The following CPNE4 variants were observed in gnomAD, a reference collection of about 807,000 sequenced individuals.
CPNE4 encodes copine-4.
A neutral mutation model predicts 67.9 loss-of-function variants in CPNE4; 25 were observed. That is an observed-to-expected ratio of 0.37 (90% CI 0.27 to 0.51). The LOEUF is 0.51. CPNE4 is among the 20% of genes least tolerant of loss of function. CPNE4 has a pLI of 0.93. For synonymous variants in CPNE4, 242 were observed against 244.9 expected (o/e 0.99, Z 0.11); for missense variants, 464 against 690.8 (o/e 0.67, Z 3.68).
intron 2 of CPNE4, among the ~76,000 whole-genome samples, chr3:131,882,746 G>T (rs2087727802): frequency 8.0e-6 from 1 of 125,554 alleles, no homozygotes; most frequent in Non-Finnish European, 1.8e-5. Context: ...TTTTGAGACG[G>T]AGTCTCGCTC....
intron 2 of CPNE4, among the ~76,000 whole-genome samples, chr3:131,801,919 G>C (rs1302910196): frequency 7.4e-6 from 1 of 134,560 alleles, no homozygotes; most frequent in African/African-American, 2.7e-5. Context: ...CAGGGACACT[G>C]CTAGGGTAAT....
chr3:131,781,261 A>G (rs2083427034), intron 2 of CPNE4, among the ~76,000 whole-genome samples: 1 of 152,124 alleles, frequency 6.6e-6, no homozygotes, highest in African/African-American at 2.4e-5. Context: ...CGGTCTAGCT[A>G]TGGCTGGAAC....
At chr3:131,655,647 C>T (rs73871341) in intron 7 of CPNE4, among the ~76,000 whole-genome samples, 48 of 152,008 alleles carry the variant, frequency 3.2e-4, no homozygotes, top group African/African-American at 1.0e-3. Flanking sequence ...ATGAAACCGA[C>T]GTCGGGGGGC....
At chr3:131,719,034 A>G (rs2081813951) in intron 3 of CPNE4, among the ~76,000 whole-genome samples, 2 of 152,228 alleles carry the variant, frequency 1.3e-5, no homozygotes. Flanking sequence ...CTGGCTGACA[A>G]TATGAGAGGG....
chr3:131,935,771 A>G (rs148240687), intron 1 of CPNE4, among the ~76,000 whole-genome samples: 22 of 152,152 alleles, frequency 1.4e-4, no homozygotes, highest in African/African-American at 5.3e-4. Flanking sequence ...CCAAACGTCA[A>G]TCTAGCAAGC....
At chr3:131,765,492 C>T (rs2082989469) in intron 2 of CPNE4, among the ~76,000 whole-genome samples, 1 of 152,084 alleles carries the variant, frequency 6.6e-6, no homozygotes, top group South Asian at 2.1e-4. Context: ...TTCCCAGTCC[C>T]AACCAGTTCT....
intron 1 of CPNE4, among the ~76,000 whole-genome samples, chr3:131,945,279 T>C (rs996853704): frequency 2.0e-5 from 3 of 152,186 alleles, no homozygotes; most frequent in African/African-American, 7.2e-5. Flanking sequence ...AGAGAGATGA[T>C]AAAACTTCTC....
At chr3:131,908,683 C>T (rs942895689) in intron 1 of CPNE4, among the ~76,000 whole-genome samples, 4 of 152,094 alleles carry the variant, frequency 2.6e-5, no homozygotes, top group African/African-American at 7.2e-5. Context: ...ACATATTGTA[C>T]ATAAAATACT....
chr3:131,828,017 A>G (rs1393736979), intron 2 of CPNE4, among the ~76,000 whole-genome samples: 1 of 152,014 alleles, frequency 6.6e-6, no homozygotes, highest in Non-Finnish European at 1.5e-5. Context: ...AAGAAACAGA[A>G]GAAACAATTT....
At chr3:132,037,824 G>T, upstream of CPNE4, 1 of 534,970 alleles carries the variant, frequency 1.9e-6, no homozygotes, top group Non-Finnish European at 3.4e-6. Context: ...GAACAAAAGG[G>T]AAGAAATGTG....
intron 2 of CPNE4, among the ~76,000 whole-genome samples, chr3:131,881,671 G>T (rs1167700014): frequency 6.6e-6 from 1 of 151,604 alleles, no homozygotes; most frequent in Non-Finnish European, 1.5e-5. Flanking sequence ...ATATTTTGTT[G>T]TTATTCTATA....
intron 2 of CPNE4, among the ~76,000 whole-genome samples, chr3:131,759,089 A>G (rs1156713286): frequency 6.6e-6 from 1 of 152,154 alleles, no homozygotes; most frequent in Non-Finnish European, 1.5e-5. Context: ...CCCTAGTAGG[A>G]TGATGGGGAT....
chr3:131,644,370 A>G (rs1164003231), intron 7 of CPNE4, among the ~76,000 whole-genome samples: 1 of 152,062 alleles, frequency 6.6e-6, no homozygotes, highest in African/African-American at 2.4e-5. Context: ...GATGGTCTTG[A>G]TCACCTGACC....
At chr3:131,587,208 T>C (rs889371321) in intron 8 of CPNE4, among the ~76,000 whole-genome samples, 3 of 152,210 alleles carry the variant, frequency 2.0e-5, no homozygotes, top group African/African-American at 7.2e-5. Context: ...TTTTCAGGGC[T>C]ACACAGGTAA....
chr3:131,955,410 GTTTTTTTTT>G (rs766033406), intron 1 of CPNE4, among the ~76,000 whole-genome samples: 50 of 42,268 alleles, frequency 1.2e-3, no homozygotes, highest in African/African-American at 4.3e-3. Context: ...TGTATGTAAG[GTTTTTTTTT>G]TTTTTTTTTT....
upstream of CPNE4, among the ~76,000 whole-genome samples, chr3:132,036,064 T>C (rs560718541): frequency 1.3e-5 from 2 of 152,334 alleles, no homozygotes; most frequent in Middle Eastern, 3.4e-3. Context: ...AATTGTTCTA[T>C]AGAAGTAGAC....
At chr3:131,689,094 C>T (rs1455140826) in intron 5 of CPNE4, among the ~76,000 whole-genome samples, 7 of 152,176 alleles carry the variant, frequency 4.6e-5, no homozygotes, top group Non-Finnish European at 2.9e-5. Context: ...AGCTGAAAAT[C>T]TATACGCAGC....
At chr3:131,940,266 C>A (rs771428265) in intron 1 of CPNE4, among the ~76,000 whole-genome samples, 3 of 151,958 alleles carry the variant, frequency 2.0e-5, no homozygotes, top group Non-Finnish European at 4.4e-5. Context: ...TTAACCATGG[C>A]TATTAAAAAT....
chr3:131,973,887 AT>A (rs1354669942), intron 1 of CPNE4, among the ~76,000 whole-genome samples: 1 of 152,172 alleles, frequency 6.6e-6, no homozygotes, highest in African/African-American at 2.4e-5. Flanking sequence ...GCGTAACGTT[AT>A]TTTTTACCCT....
Sources: gnomAD v4.1 joint callset for allele counts (sites outside exome capture counted in the v4.1 genomes callset) on GRCh38, gnomAD v4.1.1 for gene constraint, MANE v1.5 for transcripts, NCBI Gene and HGNC (gene_info 2026-07-23, HGNC 2026-07-21) for gene names.